CNTNAP2: variants seen among roughly 807,000 people sequenced by gnomAD.
CNTNAP2 encodes contactin associated protein 2.
CNTNAP2 carries 98 observed loss-of-function variants against 155.2 expected under a neutral mutation model. The observed-to-expected ratio is 0.63, with a 90% CI of 0.54 to 0.75. The LOEUF is 0.75. CNTNAP2 is among the 30% of genes least tolerant of loss of function. The probability of loss-of-function intolerance (pLI) is 0.00; values close to 1 mark genes in which losing one functional copy is unlikely to be tolerated. For missense variants in CNTNAP2, 1,727 were observed against 1,688.1 expected, an observed-to-expected ratio of 1.02 and a Z score of -0.40; for synonymous variants, 651 against 631.2, an observed-to-expected ratio of 1.03 and a Z score of -0.47.
At chr7:146,181,536 A>AT (rs1427763041) in intron 1 of CNTNAP2, among the ~76,000 whole-genome samples, 3 of 152,078 alleles carry the variant, frequency 2.0e-5, no homozygotes, top group Non-Finnish European at 4.4e-5. Context: ...TTGATAATAC[A>AT]TTTTTTTCTC....
At position 146,424,699 on chromosome 7, in the gene CNTNAP2, C is replaced by T. The variant is rs148821547; in HGVS notation, c.97+307726C>T. Reference sequence around the variant, plus strand: ...TTCAAGTTACTGAATGCCAGTCAAGCGCTAACTTTGCAAGCCGTCCATTCT... The same window carrying T: ...TTCAAGTTACTGAATGCCAGTCAAGTGCTAACTTTGCAAGCCGTCCATTCT... On this transcript the variant is annotated intron_variant, in intron 1 of 23. Coordinates refer to ENST00000361727, the MANE Select transcript of CNTNAP2 (RefSeq NM_014141.6). 5.5e-3 allele frequency among the ~76,000 whole-genome samples: 835 copies of T among 151,960 alleles called. 8 individuals carry two copies. The highest frequency in any genetic ancestry group is 0.019 in the African/African-American group (774 of 41,514).
chr7:147,038,627 G>A (rs192864395), intron 3 of CNTNAP2, among the ~76,000 whole-genome samples: 295 of 152,210 alleles, frequency 1.9e-3, no homozygotes, highest in Non-Finnish European at 3.1e-3. Flanking sequence ...TTCACTCAGC[G>A]TGCATTGGAG....
chr7:148,405,865 T>G (rs1799692623), intron 22 of CNTNAP2, among the ~76,000 whole-genome samples: 1 of 151,792 alleles, frequency 6.6e-6, no homozygotes, highest in Admixed American at 6.6e-5. Context: ...CCACTTGCCT[T>G]GGACTCACCG....
At chr7:146,289,361 A>G (rs112679130) in intron 1 of CNTNAP2, among the ~76,000 whole-genome samples, 2,784 of 152,334 alleles carry the variant, frequency 0.018, 70 homozygotes, top group African/African-American at 0.062. Context: ...AGAGAGTTGC[A>G]TTGAGCCACA....
intron 3 of CNTNAP2, among the ~76,000 whole-genome samples, chr7:146,973,383 G>A (rs1003348654): frequency 6.6e-6 from 1 of 152,134 alleles, no homozygotes; most frequent in Non-Finnish European, 1.5e-5. Flanking sequence ...GGCAACTAAT[G>A]GACAGTGCAG....
intron 15 of CNTNAP2, among the ~76,000 whole-genome samples, chr7:148,079,762 T>C (rs924531785): frequency 6.6e-6 from 1 of 152,228 alleles, no homozygotes; most frequent in African/African-American, 2.4e-5. Context: ...GTCTTATTGC[T>C]ACAGAAAGTC....
intron 15 of CNTNAP2, among the ~76,000 whole-genome samples, chr7:148,061,956 TA>T (rs1803153116): frequency 3.6e-5 from 1 of 28,160 alleles, no homozygotes; most frequent in African/African-American, 1.6e-4. Flanking sequence ...TAAACAGATA[TA>T]GATAGATAGA....
intron 15 of CNTNAP2, among the ~76,000 whole-genome samples, chr7:148,049,774 A>T (rs565246174): frequency 6.6e-6 from 1 of 152,222 alleles, no homozygotes; most frequent in Admixed American, 6.6e-5. Flanking sequence ...CTTGATAATG[A>T]TAATATTTGA....
At chr7:147,667,480 A>G in intron 13 of CNTNAP2, among the ~76,000 whole-genome samples, 1 of 152,184 alleles carries the variant, frequency 6.6e-6, no homozygotes, top group South Asian at 2.1e-4. Context: ...CAAGCATATC[A>G]CTAAACACGC....
At chr7:148,328,300 G>T (rs1020889854) in intron 21 of CNTNAP2, among the ~76,000 whole-genome samples, 1 of 152,140 alleles carries the variant, frequency 6.6e-6, no homozygotes, top group South Asian at 2.1e-4. Context: ...GCCTGACACA[G>T]GAGGCATCCT....
At chr7:147,447,219 C>T (rs527607281) in intron 10 of CNTNAP2, among the ~76,000 whole-genome samples, 56 of 152,132 alleles carry the variant, frequency 3.7e-4, no homozygotes, top group Middle Eastern at 3.4e-3. Flanking sequence ...AGAATGCATG[C>T]GTAAATAGCT....
intron 1 of CNTNAP2, among the ~76,000 whole-genome samples, chr7:146,632,608 A>G (rs1799527282): frequency 6.6e-6 from 1 of 152,108 alleles, no homozygotes; most frequent in Non-Finnish European, 1.5e-5. Flanking sequence ...AAAAATGAAA[A>G]AGATAAGTTC....
intron 1 of CNTNAP2, among the ~76,000 whole-genome samples, chr7:146,721,905 T>TGAGA (rs1801342675): frequency 9.4e-6 from 1 of 106,328 alleles, no homozygotes; most frequent in East Asian, 2.1e-4. Flanking sequence ...TTTTTTTTTT[T>TGAGA]TGAGATGGAA....
intron 13 of CNTNAP2, among the ~76,000 whole-genome samples, chr7:147,834,099 T>A (rs1257582969): frequency 6.6e-6 from 1 of 152,066 alleles, no homozygotes; most frequent in Non-Finnish European, 1.5e-5. Flanking sequence ...TCTCTTTAGC[T>A]CCTCTGCTGA....
At chr7:147,326,772 G>T (rs2620472) in intron 9 of CNTNAP2, among the ~76,000 whole-genome samples, 57,388 of 152,044 alleles carry the variant, frequency 0.38, 11,656 homozygotes, top group African/African-American at 0.53. Context: ...TTTCACAAAT[G>T]AGGTGAAACG....
rs202144361 is a variant in CNTNAP2, at chr7:147,706,187, T to G, written c.2098+66881T>G. Reference sequence around the variant, plus strand: ...TGTAGTGGTAACATTTGAGGTTTTTTTTTTTTTTTTCCTTATTTGTGTGTT... The same window carrying G: ...TGTAGTGGTAACATTTGAGGTTTTTGTTTTTTTTTTCCTTATTTGTGTGTT... On this transcript the variant is annotated intron_variant, in intron 13 of 23. Transcript: ENST00000361727. Among the ~76,000 whole-genome samples the G allele has an allele frequency of 9.2e-5, 14 of 151,916 alleles. No individual in the cohort carries two copies. The East Asian group carries it at 2.1e-3, about 23-fold the overall frequency.
intron 1 of CNTNAP2, among the ~76,000 whole-genome samples, chr7:146,435,806 C>A (rs1465816477): frequency 6.6e-6 from 1 of 152,106 alleles, no homozygotes; most frequent in Non-Finnish European, 1.5e-5. Flanking sequence ...AAGATATGAT[C>A]ATGCTATCAT....
intron 10 of CNTNAP2, among the ~76,000 whole-genome samples, chr7:147,461,067 A>G (rs1049391956): frequency 6.6e-6 from 1 of 152,082 alleles, no homozygotes; most frequent in Non-Finnish European, 1.5e-5. Flanking sequence ...AATGTTAAAG[A>G]CTCTCAATTG....
At chr7:146,411,798 T>TTTTTA (rs1179422090) in intron 1 of CNTNAP2, among the ~76,000 whole-genome samples, 4 of 142,272 alleles carry the variant, frequency 2.8e-5, no homozygotes, top group Non-Finnish European at 4.4e-5. Context: ...AACATTGTTA[T>TTTTTA]TTTTATTTTA....
Sources: gnomAD v4.1 joint callset for allele counts (sites outside exome capture counted in the v4.1 genomes callset) on GRCh38, gnomAD v4.1.1 for gene constraint, MANE v1.5 for transcripts, NCBI Gene and HGNC (gene_info 2026-07-23, HGNC 2026-07-21) for gene names.